Variants in RPL3 observed in about 807,000 individuals in gnomAD.
RPL3 encodes large ribosomal subunit protein uL3.
RPL3 carries 3 observed loss-of-function variants against 46.0 expected under a neutral mutation model. The observed-to-expected ratio is 0.07, with a 90% CI of 0.03 to 0.17. The LOEUF (loss-of-function observed/expected upper bound fraction) is 0.17. Among genes scored for constraint, RPL3 ranks in the 10% least tolerant of loss-of-function variants. The pLI, the probability that RPL3 is intolerant of heterozygous loss-of-function variation, is 1.00. For missense variants in RPL3, 387 were observed against 532.7 expected (o/e 0.73, Z 2.69); for synonymous variants, 224 against 190.8 (o/e 1.17, Z -1.43).
chr22:39,319,062 T>C (rs1282936931), intron 1 of RPL3: 2 of 537,538 alleles, frequency 3.7e-6, no homozygotes, highest in Admixed American at 1.9e-5. Flanking sequence ...AATCAGAACG[T>C]GACAATCAGC....
intron 2 of RPL3, 86 bp downstream of exon 2, chr22:39,318,314 C>T: frequency 1.4e-6 from 2 of 1,444,630 alleles, no homozygotes; most frequent in Non-Finnish European, 1.9e-6. Flanking sequence ...AAAAAGTCTG[C>T]CCTCTGCTAA....
At chr22:39,319,283 C>G in intron 1 of RPL3, 2 of 529,760 alleles carry the variant, frequency 3.8e-6, no homozygotes, top group South Asian at 3.9e-5. Context: ...GCCCTAATCC[C>G]AACTAATGAT....
intron 7 of RPL3, 161 bp downstream of exon 7, chr22:39,313,946 C>T (rs751778149): frequency 4.1e-5 from 34 of 837,980 alleles, no homozygotes; most frequent in Admixed American, 8.6e-5. Flanking sequence ...CAGCCAACCC[C>T]GACGAGTGGA....
chr22:39,317,057 C>T (rs555438293), intron 3 of RPL3: 43 of 678,970 alleles, frequency 6.3e-5, no homozygotes, highest in East Asian at 2.5e-4. Flanking sequence ...TTAAGTTACA[C>T]GCATTCAAAC....
chr22:39,318,139 G>A, intron 2 of RPL3: 5 of 462,696 alleles, frequency 1.1e-5, no homozygotes, highest in Non-Finnish European at 1.5e-5. Context: ...ACTTCTCTTT[G>A]CTAAGGTTCC....
chr22:39,319,105 T>A, intron 1 of RPL3: 1 of 538,734 alleles, frequency 1.9e-6, no homozygotes, highest in Non-Finnish European at 3.8e-6. Context: ...AATAAGTTCA[T>A]CATCTGTGGT....
At chr22:39,315,128 T>C (rs972057303) in intron 5 of RPL3, 80 of 791,306 alleles carry the variant, frequency 1.0e-4, no homozygotes, top group Non-Finnish European at 1.5e-4. Context: ...CAGTTATCAG[T>C]AGGCTACAAA....
At position 39,315,442 on chromosome 22, in the gene RPL3, T is replaced by C; in HGVS notation, c.615A>G (p.Val205=). 8 of 1,613,972 alleles carry C rather than the reference T, an allele frequency of 5.0e-6. No individual in the cohort carries two copies. Among genetic ancestry groups the C allele is most frequent in the Non-Finnish European group, 6.8e-6 (8 of 1,180,034 alleles). ...CCTGCCCAAACACTTGGTTCACAGG[T>C]ACCTGCTGCTCAAGCCTCTCGCGGG... The part of the protein sequence containing the change: ...DWARERLEQQ[V]PVNQVFGQDE... The change falls in exon 5 of 10, where the codon GTA becomes GTG. Residue 205 remains valine, a synonymous_variant. Coordinates refer to ENST00000216146, the MANE Select transcript of RPL3 (RefSeq NM_000967.4).
rs530015062 is a variant in RPL3 at position 39,317,333 on chromosome 22, G to A, written c.365+128C>T. 2.9e-5 allele frequency: 32 copies of A among 1,094,034 alleles called. No individual in the cohort carries two copies. In the South Asian group the frequency reaches 3.5e-4, roughly 12 times the overall value. The allele number at this position is 1,094,034 out of a possible 1,614,324, so 67.8% of individuals were successfully genotyped here. On this transcript the variant is annotated intron_variant, in intron 3 of 9. Transcript: ENST00000216146. The stretch of plus-strand genomic sequence containing the variant: ...TCTGATCCCAGGTATTTTTCTGTTC[G>A]AGAGGCAAACTAAACCCAAGACAGC...
rs1922447425 is a variant in RPL3, at chr22:39,312,913, C to T, written c.*27G>A. On this transcript the variant is annotated 3_prime_UTR_variant, in exon 10 of 10. Transcript: ENST00000216146. The stretch of plus-strand genomic sequence containing the variant: ...TGGAAAATAACTTTTATTGAGACCC[C>T]ACCAACTGCAAAATCTGTTCCTGGC... The T allele has an allele frequency of 6.2e-7, 1 of 1,613,748 alleles. No individual in the cohort carries two copies.
At position 39,318,659 on chromosome 22, in the gene RPL3, T is replaced by C. The variant is rs1922856177; in HGVS notation, c.4-67A>G. On this transcript the variant is annotated intron_variant, in intron 1 of 9. Coordinates refer to ENST00000216146, the MANE Select transcript of RPL3 (RefSeq NM_000967.4). Reference sequence around the variant, plus strand: ...AGTGCCCCCTTCTCTAGTTCCCAGCTGCTTAAGTTCCAAATCTCAGCAATA... The same window carrying C: ...AGTGCCCCCTTCTCTAGTTCCCAGCCGCTTAAGTTCCAAATCTCAGCAATA... The C allele has an allele frequency of 2.9e-6, 4 of 1,357,204 alleles. No individual in the cohort carries two copies. The South Asian group carries it at 5.4e-5, about 18-fold the overall frequency. The allele number at this position is 1,357,204 out of a possible 1,614,324, so 84.1% of individuals were successfully genotyped here.
chr22:39,318,304 A>G, intron 2 of RPL3, 96 bp downstream of exon 2: 1 of 1,359,198 alleles, frequency 7.4e-7, no homozygotes, highest in Non-Finnish European at 1.0e-6. Context: ...TGCTTAAAAA[A>G]AAAAGTCTGC....
rs368614461 is a variant in RPL3, at chr22:39,313,754, A to ACAGGCCCAGCAC, written c.952-26_952-25insGTGCTGGGCCTG. 1,482 of 1,609,900 alleles carry ACAGGCCCAGCAC rather than the reference A, an allele frequency of 9.2e-4. 18 individuals are homozygous for ACAGGCCCAGCAC. In the African/African-American group the frequency reaches 0.017, roughly 18 times the overall value. On this transcript the variant is annotated intron_variant, in intron 7 of 9. Coordinates refer to ENST00000216146, the MANE Select transcript of RPL3 (RefSeq NM_000967.4). ...CCTGGAAAACGAGCATCGGATCAGC[A>ACAGGCCCAGCAC]CAGGCCCAGGAGGGGATTGTCGTGC... is the stretch of plus-strand genomic sequence containing the variant.
rs751506233 is a variant in RPL3 at position 39,312,941 on chromosome 22, T to C, written c.1211A>G (p.Ter404=). 7 of 1,614,150 alleles carry C rather than the reference T, an allele frequency of 4.3e-6. No individual in the cohort carries two copies. The South Asian group carries it at 5.5e-5, about 13-fold the overall frequency. ...CAACTGCAAAATCTGTTCCTGGCAT[T>C]AAGCTCCTTCTTCCTTTGCAATTCG... The part of the protein sequence containing the change: ...KDRIAKEEGA[*] The change falls in exon 10 of 10, where the codon TAA becomes TGA. Residue 404 remains the stop codon, a stop_retained_variant. Transcript: ENST00000216146.
intron 6 of RPL3, 99 bp downstream of exon 6, chr22:39,314,587 A>G: frequency 7.3e-7 from 1 of 1,370,076 alleles, no homozygotes; most frequent in South Asian, 1.4e-5. Context: ...CGTGATGCAT[A>G]AGCTACAGTC....
intron 6 of RPL3, 186 bp from the exon 7 acceptor site, chr22:39,314,394 A>T (rs1922549403): frequency 1.6e-6 from 1 of 643,720 alleles, no homozygotes; most frequent in Non-Finnish European, 2.7e-6. Context: ...GGCTGGGCTA[A>T]AACTAAAGAT....
At chr22:39,316,619 A>G (rs918524713) in intron 4 of RPL3, 87 bp downstream of exon 4, 3 of 1,561,694 alleles carry the variant, frequency 1.9e-6, no homozygotes, top group South Asian at 1.1e-5. Context: ...AAGCCTACCC[A>G]TAAGCGTGCG....
intron 3 of RPL3, 134 bp from the exon 4 acceptor site, chr22:39,316,975 C>T (rs760148709): frequency 7.2e-6 from 10 of 1,384,236 alleles, no homozygotes; most frequent in African/African-American, 2.8e-5. Context: ...CCTTTTCCAC[C>T]AGCAAGCGGA....
In RPL3 at chr22:39,319,317, G is replaced by A. The variant is rs562949013; in HGVS notation, c.3+278C>T. The stretch of plus-strand genomic sequence containing the variant: ...ATAGAATTGGTGAGGTCGAAACTTA[G>A]AAATGACTCATGGCTTTAAAAACGC... On this transcript the variant is annotated intron_variant, in intron 1 of 9. Transcript: ENST00000216146. 48 of 582,342 alleles carry A rather than the reference G, an allele frequency of 8.2e-5. No individual in the cohort carries two copies. In the East Asian group the frequency reaches 1.3e-3, roughly 16 times the overall value. The allele number at this position is 582,342 out of a possible 1,614,324, so 36.1% of individuals were successfully genotyped here.
Sources: gnomAD v4.1 joint callset for allele counts on GRCh38, gnomAD v4.1.1 for gene constraint, MANE v1.5 for transcripts, NCBI Gene and HGNC (gene_info 2026-07-23, HGNC 2026-07-21) for gene names.